Variants in MSI2 observed in about 807,000 individuals in gnomAD.
The protein encoded by MSI2 is musashi RNA binding protein 2.
A neutral mutation model predicts 45.6 loss-of-function variants in MSI2; 17 were observed. The ratio of observed to expected loss-of-function variants is 0.37; its 90% confidence interval spans 0.26 to 0.56. The LOEUF (loss-of-function observed/expected upper bound fraction) is 0.56. Ranked by LOEUF, MSI2 falls within the 20% of genes least tolerant of loss-of-function variation. The probability of loss-of-function intolerance (pLI) is 0.77; values close to 1 mark genes in which losing one functional copy is unlikely to be tolerated. For synonymous variants in MSI2, 156 were observed against 158.2 expected (o/e 0.99, Z 0.11); for missense variants, 293 against 444.2 (o/e 0.66, Z 3.06).
chr17:57,539,701 G>C (rs2087000450), intron 7 of MSI2, among the ~76,000 whole-genome samples: 1 of 134,042 alleles, frequency 7.5e-6, no homozygotes, highest in African/African-American at 2.9e-5. Context: ...GCTCTTCCCA[G>C]ACAACGTGCT....
At chr17:57,422,840 G>A (rs774999981) in intron 6 of MSI2, among the ~76,000 whole-genome samples, 1 of 152,212 alleles carries the variant, frequency 6.6e-6, no homozygotes, top group Non-Finnish European at 1.5e-5. Context: ...TTGGCAAGGT[G>A]TTATTTTTGG....
chr17:57,434,560 T>C (rs2084657569), intron 6 of MSI2, among the ~76,000 whole-genome samples: 1 of 152,154 alleles, frequency 6.6e-6, no homozygotes, highest in African/African-American at 2.4e-5. Context: ...TCCTTCCCCA[T>C]GCACCCCCAT....
chr17:57,395,460 A>G (rs2083871227), intron 5 of MSI2, among the ~76,000 whole-genome samples: 1 of 152,160 alleles, frequency 6.6e-6, no homozygotes, highest in South Asian at 2.1e-4. Context: ...GATAGTAGTT[A>G]TGGTAGTGAT....
intron 5 of MSI2, among the ~76,000 whole-genome samples, chr17:57,273,715 A>G (rs1300824822): frequency 6.6e-6 from 1 of 152,208 alleles, no homozygotes; most frequent in Non-Finnish European, 1.5e-5. Flanking sequence ...CATTCACAGC[A>G]TTAGCCCTCC....
chr17:57,572,292 G>A (rs2087899461), intron 7 of MSI2, among the ~76,000 whole-genome samples: 1 of 152,246 alleles, frequency 6.6e-6, no homozygotes, highest in African/African-American at 2.4e-5. Context: ...CCCTGTTCCA[G>A]AAATTTTGGG....
At chr17:57,603,807 C>G (rs537264854) in intron 8 of MSI2, among the ~76,000 whole-genome samples, 18 of 152,370 alleles carry the variant, frequency 1.2e-4, no homozygotes, top group South Asian at 6.2e-4. Flanking sequence ...TTTGTTGACT[C>G]CTGGACTAAA....
chr17:57,587,427 A>G lies in MSI2; in HGVS notation c.455-9441A>G, dbSNP rs74768342. Among the ~76,000 whole-genome samples the G allele has an allele frequency of 6.9e-3, 1,045 of 152,276 alleles. 23 individuals are homozygous for G. The East Asian group carries it at 0.075, about 11-fold the overall frequency. ...TGGCTCCCCTCTGGCAAATGCCGCC[A>G]ACGTAGCTTAATATTAATTTAGGGA... On this transcript the variant is annotated intron_variant, in intron 7 of 13. Coordinates refer to ENST00000284073, the MANE Select transcript of MSI2 (RefSeq NM_138962.4).
intron 9 of MSI2, among the ~76,000 whole-genome samples, chr17:57,624,793 C>T (rs549750291): frequency 4.6e-5 from 7 of 152,270 alleles, no homozygotes; most frequent in South Asian, 2.1e-4. Context: ...AATTTGGGCA[C>T]GTCACTGTTG....
chr17:57,349,005 G>A (rs1246986585), intron 5 of MSI2, among the ~76,000 whole-genome samples: 4 of 152,132 alleles, frequency 2.6e-5, no homozygotes, highest in African/African-American at 4.8e-5. Flanking sequence ...CTGGTTTAAG[G>A]CTTCAAGTCC....
chr17:57,643,014 A>C (rs1910370746), intron 10 of MSI2, among the ~76,000 whole-genome samples: 2 of 152,188 alleles, frequency 1.3e-5, no homozygotes, highest in Non-Finnish European at 2.9e-5. Context: ...TCTGAGCTCC[A>C]GCTGCAAGTT....
chr17:57,514,183 C>T (rs760634817), intron 6 of MSI2, among the ~76,000 whole-genome samples: 2 of 150,988 alleles, frequency 1.3e-5, no homozygotes, highest in Non-Finnish European at 3.0e-5. Context: ...AGAGTAATAG[C>T]GCCTGACAGT....
At chr17:57,385,274 C>T (rs1049318317) in intron 5 of MSI2, among the ~76,000 whole-genome samples, 2 of 152,330 alleles carry the variant, frequency 1.3e-5, no homozygotes, top group Non-Finnish European at 1.5e-5. Flanking sequence ...GTCTGCAAGA[C>T]TTCTTGTGAT....
chr17:57,588,988 C>T (rs948837398), intron 7 of MSI2, among the ~76,000 whole-genome samples: 1 of 152,220 alleles, frequency 6.6e-6, no homozygotes, highest in African/African-American at 2.4e-5. Context: ...AGTGGCTGCT[C>T]AGTGACGGCA....
chr17:57,364,977 A>T (rs1400810982), intron 5 of MSI2: 1 of 152,068 alleles, frequency 6.6e-6, no homozygotes, highest in African/African-American at 2.4e-5. Flanking sequence ...CAAAAGTCTC[A>T]ATTTATTTGT....
rs1476421498 is a variant in MSI2, at chr17:57,648,166, TGTGTGTG to T, written c.728-3932_728-3926del. Among the ~76,000 whole-genome samples, 178 of 149,734 alleles carry T rather than the reference TGTGTGTG, an allele frequency of 1.2e-3. 1 individual carries two copies. Among genetic ancestry groups the T allele is most frequent in the Middle Eastern group, 0.01 (3 of 292 alleles). ...GTGTGTGTGTGTGTGTGTGTGTGTG[TGTGTGTG>T]TGTGTGTGTTTGTAGTGACAGGGTT... On this transcript the variant is annotated intron_variant, in intron 10 of 13. Coordinates refer to ENST00000284073, the MANE Select transcript of MSI2 (RefSeq NM_138962.4).
intron 5 of MSI2, among the ~76,000 whole-genome samples, chr17:57,320,110 CT>C (rs1466224639): frequency 6.6e-6 from 1 of 152,164 alleles, no homozygotes; most frequent in African/African-American, 2.4e-5. Flanking sequence ...AGGCTGCTGC[CT>C]TGAGTTTTCT....
chr17:57,368,850 G>A (rs1054891685), intron 5 of MSI2, among the ~76,000 whole-genome samples: 3 of 152,136 alleles, frequency 2.0e-5, no homozygotes, highest in Admixed American at 6.5e-5. Flanking sequence ...TTCTTACCTC[G>A]GTTTTGAAGG....
rs1911286034 is a variant in MSI2 at position 57,652,983 on chromosome 17, C to T, written c.790+822C>T. 1.3e-5 allele frequency among the ~76,000 whole-genome samples: 2 copies of T among 152,188 alleles called. No individual in the cohort carries two copies. The highest frequency in any genetic ancestry group is 6.5e-5 in the Admixed American group (1 of 15,290). On this transcript the variant is annotated intron_variant, in intron 11 of 13. Coordinates refer to ENST00000284073, the MANE Select transcript of MSI2 (RefSeq NM_138962.4). This position sits in a 1 kb window ranked among gnomAD's most constrained non-coding sequence, Gnocchi z 4.1. ...GCCCTGGGCTCCCTCCCCACCCCTG[C>T]TCCCTGAACTGAGTGGTCATGGTTT...
chr17:57,677,067 C>G lies in MSI2; in HGVS notation c.*31+8C>G. The G allele has an allele frequency of 1.2e-6, 2 of 1,603,152 alleles. No homozygotes were observed. Among genetic ancestry groups the G allele is most frequent in the Non-Finnish European group, 1.7e-6 (2 of 1,170,006 alleles). On this transcript the variant is annotated splice_region_variant and intron_variant, in intron 13 of 13. Coordinates refer to ENST00000284073, the MANE Select transcript of MSI2 (RefSeq NM_138962.4). ...TTGCCATCTCACTCTGAGGTATTAC[C>G]GTCTCTGCCATGTGTCTCTGCCCTG...
Sources: allele counts gnomAD v4.1 joint callset (sites outside exome capture counted in the v4.1 genomes callset), GRCh38; gene constraint gnomAD v4.1.1; non-coding constraint Gnocchi (gnomAD v3.1); transcripts MANE v1.5; gene names NCBI Gene and HGNC (gene_info 2026-07-23, HGNC 2026-07-21).